Variants in GALNTL6 observed in about 807,000 individuals in gnomAD.
The protein encoded by GALNTL6 is polypeptide N-acetylgalactosaminyltransferase-like 6.
Under a neutral mutation model 73.7 loss-of-function variants are expected in GALNTL6, and 46 were observed. The observed-to-expected ratio is 0.62, with a 90% confidence interval of 0.49 to 0.80. The LOEUF is 0.80. GALNTL6 is among the 30% of genes least tolerant of loss of function. The pLI is 0.00. For missense variants in GALNTL6, 604 were observed against 755.0 expected, an observed-to-expected ratio of 0.80 and a Z score of 2.34; for synonymous variants, 259 against 263.7, an observed-to-expected ratio of 0.98 and a Z score of 0.17.
At chr4:172,433,676 C>A (rs1035026164) in intron 5 of GALNTL6, among the ~76,000 whole-genome samples, 10 of 151,694 alleles carry the variant, frequency 6.6e-5, no homozygotes, top group African/African-American at 2.2e-4. Flanking sequence ...AAAATCCAGG[C>A]TCCCATCTGC....
At chr4:171,830,577 G>A (rs1734940731) in intron 2 of GALNTL6, among the ~76,000 whole-genome samples, 1 of 152,022 alleles carries the variant, frequency 6.6e-6, no homozygotes, top group Non-Finnish European at 1.5e-5. Flanking sequence ...ATGAATATAA[G>A]CAAGTAAACA....
chr4:172,538,863 A>G (rs1451055753), intron 5 of GALNTL6, among the ~76,000 whole-genome samples: 2 of 152,192 alleles, frequency 1.3e-5, no homozygotes, highest in African/African-American at 4.8e-5. Context: ...CGTTATATGA[A>G]CAGAAACCAA....
intron 5 of GALNTL6, among the ~76,000 whole-genome samples, chr4:172,401,654 G>C (rs538704646): frequency 6.6e-6 from 1 of 152,018 alleles, no homozygotes; most frequent in South Asian, 2.1e-4. Context: ...CCTTATTTAA[G>C]TATACACATA....
At chr4:172,124,719 CTT>C (rs1733249056) in intron 2 of GALNTL6, among the ~76,000 whole-genome samples, 2 of 152,050 alleles carry the variant, frequency 1.3e-5, no homozygotes. Context: ...AAAGAAAACT[CTT>C]TTAGGTAAAC....
At chr4:172,567,953 T>C (rs1439015595) in intron 5 of GALNTL6, among the ~76,000 whole-genome samples, 1 of 152,206 alleles carries the variant, frequency 6.6e-6, no homozygotes, top group Non-Finnish European at 1.5e-5. Context: ...GCCAGATATC[T>C]TATTACAAAA....
intron 5 of GALNTL6, among the ~76,000 whole-genome samples, chr4:172,703,595 CA>C (rs1734155919): frequency 6.6e-6 from 1 of 151,788 alleles, no homozygotes; most frequent in Non-Finnish European, 1.5e-5. Flanking sequence ...TTCAGTTTTC[CA>C]GCATTTTGTG....
intron 11 of GALNTL6, among the ~76,000 whole-genome samples, chr4:173,018,291 A>C (rs1225417437): frequency 1.3e-5 from 2 of 152,246 alleles, no homozygotes; most frequent in African/African-American, 2.4e-5. Context: ...AAAATTCAAA[A>C]TATAAGCATT....
intron 5 of GALNTL6, among the ~76,000 whole-genome samples, chr4:172,727,452 A>G (rs1249703204): frequency 6.6e-6 from 1 of 152,254 alleles, no homozygotes; most frequent in Non-Finnish European, 1.5e-5. Flanking sequence ...AATTAAAACA[A>G]TGAGGCATGA....
rs1416994379 is a variant in GALNTL6 at position 173,022,098 on chromosome 4, G to A, written c.1638+473G>A. On this transcript the variant is annotated intron_variant, in intron 12 of 12. Transcript: ENST00000506823. ...AGGAAGGAAGGAAGGAAAGAAGGAA[G>A]GAAGGAAGGAAAGAAGGAAGGAAGG... is the stretch of plus-strand genomic sequence containing the variant. Among the ~76,000 whole-genome samples the A allele has an allele frequency of 2.3e-4, 28 of 121,944 alleles. 1 individual carries two copies. The highest frequency in any genetic ancestry group is 4.7e-3 in the Middle Eastern group (1 of 214). 80.0% of individuals were successfully genotyped at this position (121,944 alleles called of 152,430 possible).
intron 5 of GALNTL6, among the ~76,000 whole-genome samples, chr4:172,356,352 C>T (rs181428267): frequency 4.9e-4 from 74 of 152,216 alleles, no homozygotes; most frequent in African/African-American, 1.7e-3. Flanking sequence ...CAGCAAACCT[C>T]AGCATGTGAG....
At chr4:172,713,421 T>G (rs1734847386) in intron 5 of GALNTL6, among the ~76,000 whole-genome samples, 1 of 151,896 alleles carries the variant, frequency 6.6e-6, no homozygotes, top group South Asian at 2.1e-4. Flanking sequence ...CTGGCAGCAT[T>G]CCCTCTTGCT....
rs1180185966 is a variant in GALNTL6 at position 172,034,395 on chromosome 4, C to CGTGTGT, written c.139-195258_139-195257insTGTGTG. On this transcript the variant is annotated intron_variant, in intron 2 of 12. Transcript: ENST00000506823. ...TCTATTCTTCCTTAAGGGGAGCGTG[C>CGTGTGT]GTGCGTGTGTGTGTGTGTGTGTGTG... is the stretch of plus-strand genomic sequence containing the variant. 5.8e-3 allele frequency among the ~76,000 whole-genome samples: 807 copies of CGTGTGT among 139,612 alleles called. 8 individuals are homozygous for CGTGTGT. The highest frequency in any genetic ancestry group is 0.026 in the Middle Eastern group (7 of 272). 91.6% of individuals were successfully genotyped at this position (139,612 alleles called of 152,430 possible).
chr4:172,895,029 T>G (rs920660591), intron 8 of GALNTL6, among the ~76,000 whole-genome samples: 9 of 151,790 alleles, frequency 5.9e-5, no homozygotes, highest in African/African-American at 2.2e-4. Flanking sequence ...TATTTCTATT[T>G]GCGTGAGTGG....
chr4:171,982,580 G>A lies in GALNTL6; in HGVS notation c.138+167862G>A, dbSNP rs141959173. Among the ~76,000 whole-genome samples the A allele has an allele frequency of 9.8e-3, 1,487 of 152,242 alleles. 34 individuals are homozygous for A. Among genetic ancestry groups the A allele is most frequent in the African/African-American group, 0.034 (1,402 of 41,536 alleles). On this transcript the variant is annotated intron_variant, in intron 2 of 12. Coordinates refer to ENST00000506823, the MANE Select transcript of GALNTL6 (RefSeq NM_001034845.3). ...CCCAAAGTGCTGGGATTACAAGCAT[G>A]AGCCACCGCGCCCGACCGAAAGTAC...
intron 10 of GALNTL6, among the ~76,000 whole-genome samples, chr4:173,001,805 C>T (rs966104626): frequency 6.6e-6 from 1 of 152,094 alleles, no homozygotes; most frequent in African/African-American, 2.4e-5. Flanking sequence ...CAAATCAAAA[C>T]CACAATGAAA....
intron 5 of GALNTL6, among the ~76,000 whole-genome samples, chr4:172,568,753 A>G (rs1341936890): frequency 3.5e-4 from 18 of 52,062 alleles, no homozygotes; most frequent in Admixed American, 1.9e-3. Context: ...GCGAGACTCC[A>G]TCTCAAAAAA....
rs574066007 is a variant in GALNTL6 at position 173,041,404 on chromosome 4, G to A, written c.*1304G>A. 2 of 152,028 alleles carry A rather than the reference G, an allele frequency of 1.3e-5. No homozygotes were observed. The highest frequency in any genetic ancestry group is 6.8e-3 in the Middle Eastern group (2 of 294). The allele number at this position is 152,028 out of a possible 1,614,324, so 9.4% of individuals were successfully genotyped here. ...TACTGTTCAATAATATCACATTGGG[G>A]GAAGAAAACACAGGTATCAAGGTGG... On this transcript the variant is annotated 3_prime_UTR_variant, in exon 13 of 13. Transcript: ENST00000506823.
chr4:172,694,139 T>C (rs1733511973), intron 5 of GALNTL6, among the ~76,000 whole-genome samples: 1 of 149,508 alleles, frequency 6.7e-6, no homozygotes, highest in Non-Finnish European at 1.5e-5. Context: ...TTTTTTTTTC[T>C]TTTATTCTTT....
intron 2 of GALNTL6, among the ~76,000 whole-genome samples, chr4:172,177,719 ATG>A (rs1253981153): frequency 6.7e-6 from 1 of 149,194 alleles, no homozygotes; most frequent in Non-Finnish European, 1.5e-5. Context: ...TTTACTTAGT[ATG>A]TGTGTATATA....
Sources: allele counts gnomAD v4.1 joint callset (sites outside exome capture counted in the v4.1 genomes callset), GRCh38; gene constraint gnomAD v4.1.1; transcripts MANE v1.5; gene names NCBI Gene and HGNC (gene_info 2026-07-23, HGNC 2026-07-21).